SLIT3: variants seen among roughly 807,000 people sequenced by gnomAD.
SLIT3 encodes slit guidance ligand 3, also known as slit homolog 3 protein.
In SLIT3, 68 loss-of-function variants were observed where a neutral mutation model predicts 184.0. The ratio of observed to expected loss-of-function variants is 0.37; its 90% CI spans 0.30 to 0.45. The LOEUF is 0.45. Among genes scored for constraint, SLIT3 ranks in the 20% least tolerant of loss-of-function variants. The probability of loss-of-function intolerance (pLI) is 1.00; values close to 1 mark genes in which losing one functional copy is unlikely to be tolerated. For synonymous variants in SLIT3, 831 were observed against 828.6 expected, an observed-to-expected ratio of 1.00 and a Z score of -0.05; for missense variants, 1,707 against 2,026.0, an observed-to-expected ratio of 0.84 and a Z score of 3.02.
chr5:169,293,289 T>G (rs1292876132), intron 1 of SLIT3, among the ~76,000 whole-genome samples: 1 of 152,118 alleles, frequency 6.6e-6, no homozygotes, highest in African/African-American at 2.4e-5. Context: ...GTTTTTTTAA[T>G]GGAATAAATT....
At chr5:168,667,046 C>T (rs1407573303) in intron 35 of SLIT3, among the ~76,000 whole-genome samples, 3 of 152,130 alleles carry the variant, frequency 2.0e-5, no homozygotes, top group Non-Finnish European at 4.4e-5. Flanking sequence ...CTACATGTGC[C>T]TAAAAATTAA....
chr5:169,028,223 A>C, intron 4 of SLIT3, among the ~76,000 whole-genome samples: 1 of 148,770 alleles, frequency 6.7e-6, no homozygotes, highest in African/African-American at 2.5e-5. Flanking sequence ...ATTTCTCCAA[A>C]TGTTTGGTTA....
intron 4 of SLIT3, among the ~76,000 whole-genome samples, chr5:169,020,819 T>C (rs952307212): frequency 6.6e-6 from 1 of 152,188 alleles, no homozygotes; most frequent in Non-Finnish European, 1.5e-5. Context: ...TTGCCTGAAG[T>C]CTCTGCTCAC....
chr5:169,125,299 G>C lies in SLIT3; in HGVS notation c.413+68180C>G, dbSNP rs753044928. Reference sequence around the variant, plus strand: ...CTGACGTGGTGATCCACCTGCCTTGGCCTCCCAAAGTGCTTGGGATTATAG... The same window carrying C: ...CTGACGTGGTGATCCACCTGCCTTGCCCTCCCAAAGTGCTTGGGATTATAG... On this transcript the variant is annotated intron_variant, in intron 4 of 35. Coordinates refer to ENST00000519560, the MANE Select transcript of SLIT3 (RefSeq NM_003062.4). Among the ~76,000 whole-genome samples, 5 of 152,144 alleles carry C rather than the reference G, an allele frequency of 3.3e-5. No individual in the cohort carries two copies. In the East Asian group the frequency reaches 7.7e-4, roughly 24 times the overall value.
At chr5:168,682,688 A>G (rs1761627769) in intron 32 of SLIT3, among the ~76,000 whole-genome samples, 1 of 152,184 alleles carries the variant, frequency 6.6e-6, no homozygotes, top group Non-Finnish European at 1.5e-5. Flanking sequence ...AGTATTTACA[A>G]TTCTTAAGTT....
rs182155922 is a variant in SLIT3 at position 168,956,127 on chromosome 5, G to A, written c.414-72791C>T. Reference sequence around the variant, plus strand: ...TAGCACTTGTGAAACTAGAAAATAAGCAATAAACTTTCCCAGAGAGAAATC... The same window carrying A: ...TAGCACTTGTGAAACTAGAAAATAAACAATAAACTTTCCCAGAGAGAAATC... On this transcript the variant is annotated intron_variant, in intron 4 of 35. Transcript: ENST00000519560. Among the ~76,000 whole-genome samples the A allele has an allele frequency of 4.6e-5, 7 of 152,294 alleles. No homozygotes were observed. In the East Asian group the frequency reaches 1.3e-3, roughly 29 times the overall value.
rs1760956012 is a variant in SLIT3 at position 168,664,140 on chromosome 5, A to T, written c.*2314T>A. The T allele has an allele frequency of 6.6e-6, 1 of 152,246 alleles. No homozygotes were observed. The highest frequency in any genetic ancestry group is 6.5e-5 in the Admixed American group (1 of 15,284). 9.4% of individuals were successfully genotyped at this position (152,246 alleles called of 1,614,324 possible). A position where few individuals can be genotyped will look rare whatever the true frequency, so the allele number is the denominator to read the frequency against. ...TAACTACATGGTTGTTTCAATAATT[A>T]AATGAATATATATCTATTTCACAAT... On this transcript the variant is annotated 3_prime_UTR_variant, in exon 36 of 36. Coordinates refer to ENST00000519560, the MANE Select transcript of SLIT3 (RefSeq NM_003062.4).
At position 168,853,281 on chromosome 5, in the gene SLIT3, A is replaced by T. The variant is rs185579218; in HGVS notation, c.486-8626T>A. ...ATTGCTCCCTTACTGAAAGAAGGAT[A>T]CCAATGTGTGCACATATTCACAATT... On this transcript the variant is annotated intron_variant, in intron 5 of 35. Coordinates refer to ENST00000519560, the MANE Select transcript of SLIT3 (RefSeq NM_003062.4). Among the ~76,000 whole-genome samples, 168 of 152,350 alleles carry T rather than the reference A, an allele frequency of 1.1e-3. 1 individual carries two copies. Among genetic ancestry groups the T allele is most frequent in the Non-Finnish European group, 1.2e-3 (82 of 68,030 alleles).
intron 12 of SLIT3, among the ~76,000 whole-genome samples, chr5:168,781,850 C>A (rs1228053605): frequency 6.6e-6 from 1 of 152,200 alleles, no homozygotes; most frequent in Non-Finnish European, 1.5e-5. Context: ...GGTTCCAATC[C>A]TGGCTCCATC....
intron 4 of SLIT3, among the ~76,000 whole-genome samples, chr5:168,980,165 C>A (rs1427280058): frequency 6.6e-6 from 1 of 152,092 alleles, no homozygotes; most frequent in Non-Finnish European, 1.5e-5. Flanking sequence ...AAATTTTGTT[C>A]ACATTATAAG....
intron 6 of SLIT3, among the ~76,000 whole-genome samples, chr5:168,826,221 G>A (rs562380110): frequency 2.0e-5 from 3 of 152,266 alleles, no homozygotes; most frequent in Admixed American, 6.5e-5. Context: ...AAACATTTAC[G>A]ATAATAGCAA....
intron 4 of SLIT3, among the ~76,000 whole-genome samples, chr5:168,977,636 T>A (rs1319333126): frequency 1.3e-5 from 2 of 152,212 alleles, no homozygotes; most frequent in African/African-American, 4.8e-5. Flanking sequence ...GGTCTGACTG[T>A]TGAGCAATTG....
intron 4 of SLIT3, among the ~76,000 whole-genome samples, chr5:169,044,288 T>C (rs1190404876): frequency 6.6e-6 from 1 of 152,214 alleles, no homozygotes; most frequent in Non-Finnish European, 1.5e-5. Flanking sequence ...TGCTCCTATG[T>C]ATATACCTAA....
At chr5:169,185,599 CAG>C (rs1374509843) in intron 4 of SLIT3, among the ~76,000 whole-genome samples, 1 of 152,162 alleles carries the variant, frequency 6.6e-6, no homozygotes, top group Non-Finnish European at 1.5e-5. Flanking sequence ...CACATCAATG[CAG>C]AGTTTTATAG....
intron 4 of SLIT3, among the ~76,000 whole-genome samples, chr5:168,913,821 C>T (rs1167590816): frequency 1.3e-5 from 2 of 152,004 alleles, no homozygotes; most frequent in African/African-American, 2.4e-5. Context: ...TCTTTCTCCC[C>T]CACTCTGACC....
chr5:168,921,259 C>CT (rs1761626437), intron 4 of SLIT3, among the ~76,000 whole-genome samples: 2 of 152,210 alleles, frequency 1.3e-5, no homozygotes, highest in Non-Finnish European at 2.9e-5. Flanking sequence ...ATCCCACACT[C>CT]TATGTTCCTG....
At chr5:168,815,114 T>C (rs1435439847) in intron 8 of SLIT3, among the ~76,000 whole-genome samples, 3 of 152,228 alleles carry the variant, frequency 2.0e-5, no homozygotes, top group Admixed American at 6.5e-5. Flanking sequence ...CCTGGCTTCA[T>C]ACTAAGAAGC....
chr5:169,187,555 C>CTTTTT lies in SLIT3; in HGVS notation c.413+5923_413+5924insAAAAA, dbSNP rs796812191. On this transcript the variant is annotated intron_variant, in intron 4 of 35. Coordinates refer to ENST00000519560, the MANE Select transcript of SLIT3 (RefSeq NM_003062.4). ...TTTTTTCTTTTCTTTTTCTTTCTTTCTTTCTTTTTTTTTTTTTTTGAGACA... is the reference window on the plus strand; with the variant it reads ...TTTTTTCTTTTCTTTTTCTTTCTTTCTTTTTTTTCTTTTTTTTTTTTTTTGAGACA... 4.5e-4 allele frequency among the ~76,000 whole-genome samples: 40 copies of CTTTTT among 89,074 alleles called. 1 individual carries two copies. Among genetic ancestry groups the CTTTTT allele is most frequent in the East Asian group, 1.7e-3 (6 of 3,498 alleles). The allele number at this position is 89,074 out of a possible 152,430, so 58.4% of individuals were successfully genotyped here. A position where few individuals can be genotyped will look rare whatever the true frequency, so the allele number is the denominator to read the frequency against.
intron 5 of SLIT3, among the ~76,000 whole-genome samples, chr5:168,864,279 CTA>C (rs1759222011): frequency 1.3e-5 from 2 of 152,120 alleles, no homozygotes; most frequent in Non-Finnish European, 2.9e-5. Context: ...CCATCTGCAC[CTA>C]GTTTTCTCAT....
Sources: gnomAD v4.1 joint callset for allele counts (sites outside exome capture counted in the v4.1 genomes callset) on GRCh38, gnomAD v4.1.1 for gene constraint, MANE v1.5 for transcripts, NCBI Gene and HGNC (gene_info 2026-07-23, HGNC 2026-07-21) for gene names.